Variants in DNAH17 observed in about 807,000 individuals in gnomAD.
DNAH17 encodes the protein axonemal beta dynein heavy chain 17.
In DNAH17, 376 loss-of-function variants were observed where a neutral mutation model predicts 485.6. That is an observed-to-expected ratio of 0.77 (90% CI 0.71 to 0.84). DNAH17 has a LOEUF of 0.84. Among genes scored for constraint, DNAH17 ranks in the 40% least tolerant of loss-of-function variants. The pLI, the probability that DNAH17 is intolerant of heterozygous loss-of-function variation, is 0.00. For synonymous variants in DNAH17, 3,031 were observed against 2,405.9 expected, an observed-to-expected ratio of 1.26 and a Z score of -7.60; for missense variants, 6,370 against 5,839.3, an observed-to-expected ratio of 1.09 and a Z score of -2.96.
At position 78,571,586 on chromosome 17, in the gene DNAH17, G is replaced by T; in HGVS notation, c.732+4C>A. On this transcript the variant is annotated splice_donor_region_variant and intron_variant, in intron 4 of 80. Coordinates refer to ENST00000389840, the MANE Select transcript of DNAH17 (RefSeq NM_173628.4). Reference sequence around the variant, plus strand: ...GCAGCCCCACAGGAGAGAGGAGGCCGTACCTGTTCATGGATGCACTTGAGG... The same window carrying T: ...GCAGCCCCACAGGAGAGAGGAGGCCTTACCTGTTCATGGATGCACTTGAGG... 4 of 1,613,662 alleles carry T rather than the reference G, an allele frequency of 2.5e-6. No homozygotes were observed. The South Asian group carries it at 4.4e-5, about 18-fold the overall frequency.
At position 78,526,671 on chromosome 17, in the gene DNAH17, G is replaced by A. The variant is rs1460568645; in HGVS notation, c.3691C>T (p.Pro1231Ser). 5 of 1,610,490 alleles carry A rather than the reference G, an allele frequency of 3.1e-6. No individual in the cohort carries two copies. Among genetic ancestry groups the A allele is most frequent in the Non-Finnish European group, 4.2e-6 (5 of 1,177,490 alleles). ...AATACCTTATTCAGGGACTTGTAGG[G>A]GTTGGGGTCGCTGAAGGAGAACGGG... ...EAPFSFSDPN[P>S]YKSLNKQQKS... The change falls in exon 24 of 81, where the codon CCC becomes TCC. Residue 1231 changes from proline to serine, a missense_variant. Coordinates refer to ENST00000389840, the MANE Select transcript of DNAH17 (RefSeq NM_173628.4).
At chr17:78,532,942 G>A in intron 19 of DNAH17, 5 of 550,208 alleles carry the variant, frequency 9.1e-6, no homozygotes, top group African/African-American at 1.9e-5. Context: ...TCACCATACT[G>A]ATGCCAAACT....
chr17:78,542,324 T>TC (rs1160297368), intron 17 of DNAH17, among the ~76,000 whole-genome samples: 2 of 151,912 alleles, frequency 1.3e-5, no homozygotes, highest in African/African-American at 4.8e-5. Flanking sequence ...ATTTTTGTAT[T>TC]TTTAGTAGAG....
chr17:78,458,562 T>C lies in DNAH17; in HGVS notation c.9977+3A>G. 6.2e-7 allele frequency: 1 copy of C among 1,613,008 alleles called. No individual in the cohort carries two copies. The highest frequency in any genetic ancestry group is 8.5e-7 in the Non-Finnish European group (1 of 1,179,032). The stretch of plus-strand genomic sequence containing the variant: ...GAGGGTGGTCTCGGGGAGGAGCTGA[T>C]ACCTGTTCGCCAGTAAGATCACCCT... On this transcript the variant is annotated splice_donor_region_variant and intron_variant, in intron 62 of 80. Transcript: ENST00000389840.
At chr17:78,556,687 G>GCCCCTC (rs1318097089) in intron 14 of DNAH17, among the ~76,000 whole-genome samples, 2 of 152,074 alleles carry the variant, frequency 1.3e-5, no homozygotes, top group East Asian at 3.9e-4. Context: ...CGCTCTCCGG[G>GCCCCTC]CCCCTCCTGA....
chr17:78,480,070 C>T (rs571838093), intron 49 of DNAH17, among the ~76,000 whole-genome samples: 14 of 128,662 alleles, frequency 1.1e-4, no homozygotes, highest in Non-Finnish European at 1.7e-4. Context: ...TGTCCCAGGC[C>T]GGGCACGGTG....
intron 66 of DNAH17, among the ~76,000 whole-genome samples, 154 bp from the exon 67 acceptor site, chr17:78,451,000 C>G (rs1042771594): frequency 1.3e-5 from 2 of 152,222 alleles, no homozygotes; most frequent in African/African-American, 4.8e-5. Context: ...AGCAGAGCCC[C>G]TGGAACCTCA....
At chr17:78,545,259 A>G (rs2091727392) in intron 16 of DNAH17, among the ~76,000 whole-genome samples, 1 of 152,224 alleles carries the variant, frequency 6.6e-6, no homozygotes. Flanking sequence ...TTACCTTGTT[A>G]GAAGGATTTC....
chr17:78,493,930 G>A, intron 41 of DNAH17, 106 bp downstream of exon 41: 1 of 1,447,860 alleles, frequency 6.9e-7, no homozygotes. Context: ...GGATGTACTG[G>A]GTTGGGGTCT....
Position 78,459,295 on chromosome 17 carries a change from T to C in DNAH17, c.9654-87A>G, listed in dbSNP as rs1598484766. 13 of 1,315,560 alleles carry C rather than the reference T, an allele frequency of 9.9e-6. No homozygotes were observed. In the South Asian group the frequency reaches 1.6e-4, roughly 16 times the overall value. The allele number at this position is 1,315,560 out of a possible 1,614,324, so 81.5% of individuals were successfully genotyped here. Reference sequence around the variant, plus strand: ...GAGAAGCTGAGTGTCTTGCCCAGGGTGGCACAGCTCTGGAGGGGCAGCGCT... The same window carrying C: ...GAGAAGCTGAGTGTCTTGCCCAGGGCGGCACAGCTCTGGAGGGGCAGCGCT... On this transcript the variant is annotated intron_variant, in intron 60 of 80. Coordinates refer to ENST00000389840, the MANE Select transcript of DNAH17 (RefSeq NM_173628.4).
At position 78,475,759 on chromosome 17, in the gene DNAH17, T is replaced by C. The variant is rs1240010860; in HGVS notation, c.8229A>G (p.Lys2743=). ...CHFAQGIGDP[K]YVPVTDMAPL... ...GAGCCATGTCGGTTACAGGAACATATTTGGGATCGCCAATCCCTTGAGCAA... is the reference window on the plus strand; with the variant it reads ...GAGCCATGTCGGTTACAGGAACATACTTGGGATCGCCAATCCCTTGAGCAA... The change falls in exon 53 of 81, where the codon AAA becomes AAG. Residue 2743 remains lysine (K), a synonymous_variant. Transcript: ENST00000389840. 6.2e-7 allele frequency: 1 copy of C among 1,613,964 alleles called. No individual in the cohort carries two copies. Among genetic ancestry groups the C allele is most frequent in the Non-Finnish European group, 8.5e-7 (1 of 1,179,880 alleles).
At position 78,459,191 on chromosome 17, in the gene DNAH17, G is replaced by C; in HGVS notation, c.9671C>G (p.Pro3224Arg). 1 of 1,613,854 alleles carries C rather than the reference G, an allele frequency of 6.2e-7. No homozygotes were observed. The highest frequency in any genetic ancestry group is 1.1e-5 in the South Asian group (1 of 91,076). Residue 3224 changes from proline to arginine, a missense_variant, in exon 61 of 81, where the codon CCG (proline) becomes CGG (arginine). Pro to Arg is a moderately radical substitution (Grantham distance 103). Transcript: ENST00000389840. ...LKAFKPYQGN[P>R]TFDPEFIRSK... The stretch of plus-strand genomic sequence containing the variant: ...GCGGATGAACTCGGGGTCGAACGTC[G>C]GGTTGCCTTGGTAGGGCCTAGCGAG...
At chr17:78,456,728 G>T (rs192908403) in intron 62 of DNAH17, among the ~76,000 whole-genome samples, 1 of 152,330 alleles carries the variant, frequency 6.6e-6, no homozygotes, top group East Asian at 1.9e-4. Context: ...TCTGTCTGTG[G>T]CACCATCTGA....
intron 30 of DNAH17, among the ~76,000 whole-genome samples, chr17:78,505,812 C>A (rs1697201952): frequency 6.6e-6 from 1 of 152,038 alleles, no homozygotes; most frequent in African/African-American, 2.4e-5. Flanking sequence ...AACCCCATCT[C>A]TACTAAAAAT....
At position 78,494,260 on chromosome 17, in the gene DNAH17, G is replaced by T. The variant is rs762575308; in HGVS notation, c.6271-87C>A. Reference sequence around the variant, plus strand: ...GAGGCTGGGGGGCTTCCTGCCCCGTGGGGGAGATGATAAAGGCGCCCTTGC... The same window carrying T: ...GAGGCTGGGGGGCTTCCTGCCCCGTTGGGGAGATGATAAAGGCGCCCTTGC... On this transcript the variant is annotated intron_variant, in intron 40 of 80. Coordinates refer to ENST00000389840, the MANE Select transcript of DNAH17 (RefSeq NM_173628.4). 4 of 1,519,594 alleles carry T rather than the reference G, an allele frequency of 2.6e-6. No individual in the cohort carries two copies. The Admixed American group carries it at 6.1e-5, about 23-fold the overall frequency. 94.1% of individuals were successfully genotyped at this position (1,519,594 alleles called of 1,614,324 possible).
intron 34 of DNAH17, 52 bp from the exon 35 acceptor site, chr17:78,501,396 C>CT (rs1188287869): frequency 1.3e-6 from 2 of 1,544,002 alleles, no homozygotes; most frequent in East Asian, 4.6e-5. Context: ...AGAGCTAGGG[C>CT]TGCCTAAGGA....
chr17:78,444,897 C>T (rs2087216347), intron 70 of DNAH17, 100 bp from the exon 71 acceptor site: 23 of 1,219,896 alleles, frequency 1.9e-5, no homozygotes, highest in Admixed American at 6.2e-5. Flanking sequence ...CATTACCCTC[C>T]GAGGAAACCG....
rs760238543 is a variant in DNAH17, at chr17:78,466,704, G to A, written c.8891C>T (p.Ala2964Val). 13 of 1,612,104 alleles carry A rather than the reference G, an allele frequency of 8.1e-6. No individual in the cohort carries two copies. The highest frequency in any genetic ancestry group is 5.0e-5 in the Admixed American group (3 of 59,892). The change falls in exon 56 of 81, where the codon GCG (alanine) becomes GTG (valine). Residue 2964 changes from alanine to valine, a missense_variant. By Grantham distance (64) the Ala-to-Val change is moderately conservative. Transcript: ENST00000389840. ...IDWFHEWPED[A>V]LVSVSARFLE... ...GAAGCGGGCGCTGACGGACACCAGC[G>A]CATCTTCCGGCCACTCGTGGAACCA...
At chr17:78,544,121 T>G (rs1193153030) in intron 16 of DNAH17, 124 bp from the exon 17 acceptor site, 1 of 1,365,272 alleles carries the variant, frequency 7.3e-7, no homozygotes, top group African/African-American at 1.4e-5. Flanking sequence ...TGGAGTCTAG[T>G]TCTCCACGAT....
Sources: allele counts gnomAD v4.1 joint callset (sites outside exome capture counted in the v4.1 genomes callset), GRCh38; gene constraint gnomAD v4.1.1; transcripts MANE v1.5; gene names NCBI Gene and HGNC (gene_info 2026-07-23, HGNC 2026-07-21).